PRICKLE3: variants seen among roughly 807,000 people sequenced by gnomAD.
PRICKLE3 encodes prickle planar cell polarity protein 3.
Under a neutral mutation model 33.8 loss-of-function variants are expected in PRICKLE3, and 17 were observed. That is an observed-to-expected ratio of 0.50 (90% CI 0.34 to 0.75). PRICKLE3 has a LOEUF of 0.75. Among genes scored for constraint, PRICKLE3 ranks in the 30% least tolerant of loss-of-function variants. The pLI, the probability that PRICKLE3 is intolerant of heterozygous loss-of-function variation, is 0.01. For missense variants in PRICKLE3, 573 were observed against 576.7 expected, an observed-to-expected ratio of 0.99 and a Z score of 0.07; for synonymous variants, 211 against 219.6, an observed-to-expected ratio of 0.96 and a Z score of 0.34.
Position 49,183,866 on chromosome X carries a change from C to T in PRICKLE3, c.180G>A (p.Ala60=), listed in dbSNP as rs781817897. Residue 60 remains alanine (A), a synonymous_variant, in exon 3 of 9, where the codon GCG becomes GCA. Transcript: ENST00000599218. ...KCPREEHAVH[A]VPVDLERIMC... The stretch of plus-strand genomic sequence containing the variant: ...TGATGCGTTCCAGGTCCACAGGCAC[C>T]GCGTGCACTGCATGCTCCTCCCGCG... The T allele has an allele frequency of 1.7e-6, 2 of 1,211,286 alleles. No individual in the cohort carries two copies. The highest frequency in any genetic ancestry group is 2.2e-6 in the Non-Finnish European group (2 of 895,195).
chrX:49,177,020 G>A lies in PRICKLE3; in HGVS notation c.1138C>T (p.Arg380Cys), dbSNP rs141273452. The change falls in exon 8 of 9, where the codon CGC becomes TGC. Residue 380 changes from arginine (R) to cysteine (C), a missense_variant. Coordinates refer to ENST00000599218, the MANE Select transcript of PRICKLE3 (RefSeq NM_006150.5). ...SEPTAPGPSR[R>C]SWSAGPVTAP... The stretch of plus-strand genomic sequence containing the variant: ...GTGACAGGGCCGGCACTCCAGCTGC[G>A]GCGGCTCGGCCCTGGAGCTGTGGGC... 33 of 1,208,201 alleles carry A rather than the reference G, an allele frequency of 2.7e-5. No individual in the cohort carries two copies. Among genetic ancestry groups the A allele is most frequent in the Middle Eastern group, 4.6e-4 (2 of 4,303 alleles).
In PRICKLE3 at chrX:49,183,727, T is replaced by G; in HGVS notation, c.312+7A>C. The G allele has an allele frequency of 8.3e-7, 1 of 1,211,737 alleles. No individual in the cohort carries two copies. On this transcript the variant is annotated splice_region_variant and intron_variant, in intron 3 of 8. Coordinates refer to ENST00000599218, the MANE Select transcript of PRICKLE3 (RefSeq NM_006150.5). Reference sequence around the variant, plus strand: ...ACAGCAAGAGTGGAGGGCTGGCCTCTGGTCACCTGCTCCGGCTTAAGGCCT... The same window carrying G: ...ACAGCAAGAGTGGAGGGCTGGCCTCGGGTCACCTGCTCCGGCTTAAGGCCT...
rs1557100631 is a variant in PRICKLE3, at chrX:49,179,262, T to C, written c.553A>G (p.Ile185Val). Residue 185 changes from isoleucine to valine, a missense_variant, in exon 5 of 9, where the codon ATC (isoleucine) becomes GTC (valine). Transcript: ENST00000599218. ...CCTCCACGGCTCACCTCCTCACAGA[T>C]GGCCCCAGTGATGGTCACCGGGAAG... ...RIFPVTITGAICEECGKQIGG... is the reference protein window; with the variant it reads ...RIFPVTITGAVCEECGKQIGG... 8.3e-7 allele frequency: 1 copy of C among 1,209,445 alleles called. No homozygotes were observed. Among genetic ancestry groups the C allele is most frequent in the African/African-American group, 1.7e-5 (1 of 57,236 alleles).
chrX:49,181,550 TGTATATATATAC>T (rs2065452299), intron 3 of PRICKLE3, among the ~76,000 whole-genome samples: 3 of 81,575 alleles, frequency 3.7e-5, no homozygotes, highest in African/African-American at 1.6e-4. Flanking sequence ...TACGTATATG[TGTATATATATAC>T]ACGTATATAT....
Position 49,178,056 on chromosome X carries a change from G to C in PRICKLE3, c.892C>G (p.His298Asp), listed in dbSNP as rs782169111. Residue 298 changes from histidine to aspartate, a missense_variant, in exon 7 of 9, where the codon CAC becomes GAC. By Grantham distance (81) the His-to-Asp change is moderately conservative. Coordinates refer to ENST00000599218, the MANE Select transcript of PRICKLE3 (RefSeq NM_006150.5). ...QRYVMRQSRP[H>D]CCACYEARHA... Reference sequence around the variant, plus strand: ...CGGGCCTCGTAGCAGGCGCAGCAGTGGGGGCGGCTCTGACGCATGACATAG... The same window carrying C: ...CGGGCCTCGTAGCAGGCGCAGCAGTCGGGGCGGCTCTGACGCATGACATAG... 13 of 1,160,357 alleles carry C rather than the reference G, an allele frequency of 1.1e-5. No individual in the cohort carries two copies. The highest frequency in any genetic ancestry group is 1.5e-5 in the Non-Finnish European group (13 of 869,365).
chrX:49,179,824 T>TG lies in PRICKLE3; in HGVS notation c.313-19dup, dbSNP rs1220157747. On this transcript the variant is annotated intron_variant, in intron 3 of 8. Transcript: ENST00000599218. ...TGATATACCTGGGAGGACATAGGAG[T>TG]GGGAGAAAACAACTGAAATGAGAGG... The TG allele has an allele frequency of 1.1e-6, 1 of 948,928 alleles. No individual in the cohort carries two copies. Among genetic ancestry groups the TG allele is most frequent in the African/African-American group, 2.0e-5 (1 of 50,894 alleles). 78.2% of individuals were successfully genotyped at this position (948,928 alleles called of 1,213,427 possible). A position where few individuals can be genotyped will look rare whatever the true frequency, so the allele number is the denominator to read the frequency against.
At chrX:49,185,492 T>G (rs782021926) in intron 1 of PRICKLE3, among the ~76,000 whole-genome samples, 1 of 111,946 alleles carries the variant, frequency 8.9e-6, no homozygotes, top group South Asian at 3.7e-4. Flanking sequence ...GGCGGAACCC[T>G]GGAAGCCTTG....
At position 49,183,311 on chromosome X, in the gene PRICKLE3, A is replaced by T. The variant is rs2065466281; in HGVS notation, c.312+423T>A. Among the ~76,000 whole-genome samples the T allele has an allele frequency of 4.5e-5, 5 of 111,287 alleles. No homozygotes were observed. In the South Asian group the frequency reaches 1.9e-3, roughly 42 times the overall value. Reference sequence around the variant, plus strand: ...CATGGTGGCTTGCTCTTGTAATCCCAGCACTTTGGGAGGCCGAGGCAGGAT... The same window carrying T: ...CATGGTGGCTTGCTCTTGTAATCCCTGCACTTTGGGAGGCCGAGGCAGGAT... On this transcript the variant is annotated intron_variant, in intron 3 of 8. Coordinates refer to ENST00000599218, the MANE Select transcript of PRICKLE3 (RefSeq NM_006150.5).
chrX:49,177,495 A>AT (rs2065425796), intron 7 of PRICKLE3, among the ~76,000 whole-genome samples: 1 of 112,116 alleles, frequency 8.9e-6, no homozygotes, highest in Non-Finnish European at 1.9e-5. Context: ...AGGCTTAGAC[A>AT]TTAGGGGGTG....
intron 3 of PRICKLE3, chrX:49,183,524 G>C: frequency 1.2e-6 from 1 of 825,095 alleles, no homozygotes; most frequent in Non-Finnish European, 1.7e-6. Context: ...GGATTGGGGT[G>C]AACAGGCCCT....
chrX:49,179,223 T>C, intron 5 of PRICKLE3, 28 bp downstream of exon 5: 2 of 1,204,480 alleles, frequency 1.7e-6, no homozygotes, highest in African/African-American at 1.7e-5. Context: ...GAGGCACTGC[T>C]CACTCGCTGA....
chrX:49,183,545 T>C (rs2065467421), intron 3 of PRICKLE3, 189 bp downstream of exon 3: 3 of 970,017 alleles, frequency 3.1e-6, no homozygotes, highest in Middle Eastern at 2.7e-4. Context: ...GAGGAACTGG[T>C]CCCTCAGTCA....
rs1557101494 is a variant in PRICKLE3 at position 49,183,769 on chromosome X, ACTC to A, written c.274_276del (p.Glu92del). ...TTAAGGCCTGGGGGCACCCAGGCAT[ACTC>A]CTCCGATGCACAGCCTGAGTCGTCG... On this transcript the variant is annotated inframe_deletion, in exon 3 of 9. Coordinates refer to ENST00000599218, the MANE Select transcript of PRICKLE3 (RefSeq NM_006150.5). 1 of 1,208,871 alleles carries A rather than the reference ACTC, an allele frequency of 8.3e-7. No individual in the cohort carries two copies. The highest frequency in any genetic ancestry group is 1.1e-6 in the Non-Finnish European group (1 of 894,671).
Position 49,175,552 on chromosome X carries a change from T to G in PRICKLE3, c.*121A>C. 1.6e-6 allele frequency: 1 copy of G among 621,051 alleles called. No homozygotes were observed. Among genetic ancestry groups the G allele is most frequent in the Non-Finnish European group, 2.4e-6 (1 of 416,615 alleles). The allele number at this position is 621,051 out of a possible 1,213,427, so 51.2% of individuals were successfully genotyped here. On this transcript the variant is annotated 3_prime_UTR_variant, in exon 9 of 9. Coordinates refer to ENST00000599218, the MANE Select transcript of PRICKLE3 (RefSeq NM_006150.5). ...AGAAACAAAAATAGAAACAAACTGA[T>G]AAAGGAGGGAGGAAGAGGATTTATG...
At chrX:49,183,446 C>A in intron 3 of PRICKLE3, 1 of 457,439 alleles carries the variant, frequency 2.2e-6, no homozygotes, top group East Asian at 4.7e-5. Context: ...GCAGTCCCAG[C>A]TACAAGGGAG....
chrX:49,177,107 G>C lies in PRICKLE3; in HGVS notation c.1051C>G (p.Arg351Gly), dbSNP rs782069281. Residue 351 changes from arginine (R) to glycine (G), a missense_variant, in exon 8 of 9, where the codon CGC (arginine) becomes GGC (glycine). Arg to Gly is a moderately radical substitution (Grantham distance 125). Transcript: ENST00000599218. ...CSRCGRALLG[R>G]PFLPRRGLIF... ...AGGCCTCGGCGTGGCAGGAATGGGCGGCCCAGCAGGGCCCGCCCACAGCGA... is the reference window on the plus strand; with the variant it reads ...AGGCCTCGGCGTGGCAGGAATGGGCCGCCCAGCAGGGCCCGCCCACAGCGA... 1.8e-5 allele frequency: 22 copies of C among 1,198,617 alleles called. No individual in the cohort carries two copies. Among genetic ancestry groups the C allele is most frequent in the Non-Finnish European group, 2.5e-5 (22 of 889,475 alleles).
intron 1 of PRICKLE3, chrX:49,185,023 G>T (rs2065476596): frequency 1.8e-6 from 1 of 558,756 alleles, no homozygotes; most frequent in Admixed American, 4.7e-5. Flanking sequence ...GATCCTTCCA[G>T]GGCTCAAGCA....
chrX:49,175,261 G>T lies in PRICKLE3; in HGVS notation c.*412C>A, dbSNP rs1041693948. 67 of 171,130 alleles carry T rather than the reference G, an allele frequency of 3.9e-4. 5 individuals carry two copies. The highest frequency in any genetic ancestry group is 1.1e-4 in the Non-Finnish European group (10 of 91,647). The allele number at this position is 171,130 out of a possible 1,213,427, so 14.1% of individuals were successfully genotyped here. Reference sequence around the variant, plus strand: ...CGAGAGGCCCGGTGCGGTGGCTCATGCCTGTAATCCCAGTCCTTTGGGAGG... The same window carrying T: ...CGAGAGGCCCGGTGCGGTGGCTCATTCCTGTAATCCCAGTCCTTTGGGAGG... On this transcript the variant is annotated 3_prime_UTR_variant, in exon 9 of 9. Transcript: ENST00000599218.
At chrX:49,184,836 C>T in intron 1 of PRICKLE3, 126 bp from the exon 2 acceptor site, 1 of 1,163,104 alleles carries the variant, frequency 8.6e-7, no homozygotes, top group Non-Finnish European at 1.1e-6. Context: ...CTGGGCAGCG[C>T]TGGGCAGGCT....
Sources: gnomAD v4.1 joint callset for allele counts (sites outside exome capture counted in the v4.1 genomes callset) on GRCh38, gnomAD v4.1.1 for gene constraint, MANE v1.5 for transcripts, NCBI Gene and HGNC (gene_info 2026-07-23, HGNC 2026-07-21) for gene names.